TRIM2: variants seen among roughly 807,000 people sequenced by gnomAD.
TRIM2 encodes the protein tripartite motif-containing protein 2.
A neutral mutation model predicts 75.2 loss-of-function variants in TRIM2; 20 were observed. The observed-to-expected ratio is 0.27, with a 90% confidence interval of 0.19 to 0.39. The LOEUF is 0.39. Among genes scored for constraint, TRIM2 ranks in the 10% least tolerant of loss-of-function variants. The probability of loss-of-function intolerance (pLI) is 1.00; values close to 1 mark genes in which losing one functional copy is unlikely to be tolerated. For missense variants in TRIM2, 660 were observed against 990.8 expected (o/e 0.67, Z 4.48); for synonymous variants, 373 against 388.3 (o/e 0.96, Z 0.46).
At chr4:153,237,358 T>G (rs1473490474) in intron 1 of TRIM2, among the ~76,000 whole-genome samples, 1 of 140,486 alleles carries the variant, frequency 7.1e-6, no homozygotes, top group Non-Finnish European at 1.5e-5. Flanking sequence ...TTATGGCTCT[T>G]AGTTACTTAG....
chr4:153,187,443 G>T (rs980984790), intron 1 of TRIM2, among the ~76,000 whole-genome samples: 1 of 152,218 alleles, frequency 6.6e-6, no homozygotes, highest in Non-Finnish European at 1.5e-5. Context: ...GAGGGAAGAG[G>T]TGCTTCCTTC....
intron 1 of TRIM2, among the ~76,000 whole-genome samples, chr4:153,208,116 T>A (rs895363492): frequency 6.6e-6 from 1 of 152,124 alleles, no homozygotes; most frequent in East Asian, 1.9e-4. Context: ...GGCAACATAG[T>A]TAGACTTTGT....
rs189291727 is a variant in TRIM2, at chr4:153,208,966, C to T, written c.30+4406C>T. 1.7e-3 allele frequency among the ~76,000 whole-genome samples: 258 copies of T among 152,292 alleles called. 1 individual carries two copies. The highest frequency in any genetic ancestry group is 5.5e-3 in the African/African-American group (229 of 41,568). On this transcript the variant is annotated intron_variant, in intron 1 of 11. Coordinates refer to ENST00000338700, the MANE Select transcript of TRIM2 (RefSeq NM_015271.5). Reference sequence around the variant, plus strand: ...ATCCACACACACAAAGAAATGTGTTCGTTCAGAAGATCCAGCATCAATTCC... The same window carrying T: ...ATCCACACACACAAAGAAATGTGTTTGTTCAGAAGATCCAGCATCAATTCC...
At chr4:153,326,796 C>T (rs1770280456) in intron 10 of TRIM2, among the ~76,000 whole-genome samples, 1 of 152,116 alleles carries the variant, frequency 6.6e-6, no homozygotes, top group Non-Finnish European at 1.5e-5. Flanking sequence ...GCCTAGCCAA[C>T]AGGGCGAAAC....
intron 3 of TRIM2, among the ~76,000 whole-genome samples, chr4:153,288,066 T>A (rs1387496347): frequency 6.6e-6 from 1 of 152,206 alleles, no homozygotes; most frequent in Non-Finnish European, 1.5e-5. Flanking sequence ...TTGTCAGGTT[T>A]ATTTTTTTTT....
chr4:153,301,269 G>A (rs1763862362), intron 6 of TRIM2, among the ~76,000 whole-genome samples: 1 of 151,934 alleles, frequency 6.6e-6, no homozygotes, highest in Non-Finnish European at 1.5e-5. Context: ...GGCTCAAGTG[G>A]TTCTCCCATC....
At position 153,338,093 on chromosome 4, in the gene TRIM2, A is replaced by C. The variant is rs951558256; in HGVS notation, c.*3127A>C. On this transcript the variant is annotated 3_prime_UTR_variant, in exon 12 of 12. Coordinates refer to ENST00000338700, the MANE Select transcript of TRIM2 (RefSeq NM_015271.5). ...AATTTACTGTGACTAGATTTGAAGC[A>C]AATAAATACTCCAGATCCATGCAGC... 40 of 985,740 alleles carry C rather than the reference A, an allele frequency of 4.1e-5. No individual in the cohort carries two copies. The African/African-American group carries it at 5.6e-4, about 14-fold the overall frequency. The allele number at this position is 985,740 out of a possible 1,614,324, so 61.1% of individuals were successfully genotyped here.
At chr4:153,167,491 A>G (rs911640613) in intron 1 of TRIM2, among the ~76,000 whole-genome samples, 1 of 152,242 alleles carries the variant, frequency 6.6e-6, no homozygotes, top group African/African-American at 2.4e-5. Context: ...ATATTACAAA[A>G]AGATCAAAAA....
intron 6 of TRIM2, chr4:153,309,789 A>C (rs1335714626): frequency 1.3e-5 from 2 of 151,946 alleles, no homozygotes; most frequent in African/African-American, 4.8e-5. Flanking sequence ...ATGCTCAGCT[A>C]ATTTTTTGTA....
At chr4:153,317,524 CTG>C (rs920913514) in intron 8 of TRIM2, among the ~76,000 whole-genome samples, 68 of 151,982 alleles carry the variant, frequency 4.5e-4, no homozygotes, top group African/African-American at 1.5e-3. Flanking sequence ...TGGCGTGCAC[CTG>C]TAGTCCCAGC....
At position 153,330,482 on chromosome 4, in the gene TRIM2, C is replaced by G. The variant is rs994756987; in HGVS notation, c.2163+1812C>G. 3.3e-5 allele frequency among the ~76,000 whole-genome samples: 5 copies of G among 152,198 alleles called. No individual in the cohort carries two copies. In the South Asian group the frequency reaches 1.0e-3, roughly 32 times the overall value. On this transcript the variant is annotated intron_variant, in intron 11 of 11. Coordinates refer to ENST00000338700, the MANE Select transcript of TRIM2 (RefSeq NM_015271.5). Reference sequence around the variant, plus strand: ...CCAAGTGGAGTTTATTCCAGGAATGCAAGACTGGTTTAGTATTAGAAAATC... The same window carrying G: ...CCAAGTGGAGTTTATTCCAGGAATGGAAGACTGGTTTAGTATTAGAAAATC...
intron 1 of TRIM2, among the ~76,000 whole-genome samples, chr4:153,157,711 T>C (rs933015436): frequency 6.6e-6 from 1 of 152,210 alleles, no homozygotes; most frequent in East Asian, 1.9e-4. Flanking sequence ...GACCAGATCC[T>C]GAGGAGCAGG....
chr4:153,301,391 G>T (rs1263836620), intron 6 of TRIM2, among the ~76,000 whole-genome samples: 1 of 152,028 alleles, frequency 6.6e-6, no homozygotes, highest in African/African-American at 2.4e-5. Flanking sequence ...TGAGTTTCTT[G>T]TGTATTTTAG....
At position 153,195,129 on chromosome 4, in the gene TRIM2, C is replaced by A. The variant is rs578019274; in HGVS notation, c.-49+41859C>A. 2.3e-4 allele frequency among the ~76,000 whole-genome samples: 35 copies of A among 152,282 alleles called. No individual in the cohort carries two copies. The South Asian group carries it at 6.2e-3, about 27-fold the overall frequency. ...GGGCCTTAAATCCAATGGTGATTGT[C>A]CTCATGAGAGATAGAAAAGGACAGA... is the stretch of plus-strand genomic sequence containing the variant. On this transcript the variant is annotated intron_variant, in intron 1 of 11. Transcript: ENST00000437508.
intron 1 of TRIM2, among the ~76,000 whole-genome samples, chr4:153,172,640 A>G (rs1206817414): frequency 2.0e-5 from 3 of 152,212 alleles, no homozygotes; most frequent in Non-Finnish European, 4.4e-5. Context: ...CCTCTGCCCA[A>G]TGCCGGAGAT....
At chr4:153,169,926 C>T (rs1224004648) in intron 1 of TRIM2, among the ~76,000 whole-genome samples, 4 of 152,106 alleles carry the variant, frequency 2.6e-5, no homozygotes, top group African/African-American at 7.2e-5. Flanking sequence ...CCACAATGGC[C>T]GTCTACACAA....
At chr4:153,236,046 G>A (rs1744949865) in intron 1 of TRIM2, among the ~76,000 whole-genome samples, 1 of 151,996 alleles carries the variant, frequency 6.6e-6, no homozygotes, top group African/African-American at 2.4e-5. Context: ...TTGTGAGAGA[G>A]TTCTCTTGAG....
At chr4:153,293,402 A>G (rs920055520) in intron 4 of TRIM2, among the ~76,000 whole-genome samples, 2 of 152,216 alleles carry the variant, frequency 1.3e-5, no homozygotes, top group Middle Eastern at 3.2e-3. Flanking sequence ...GTACACTCAA[A>G]TAAACTGCTC....
intron 1 of TRIM2, among the ~76,000 whole-genome samples, chr4:153,181,296 C>A (rs909914476): frequency 6.6e-6 from 1 of 152,258 alleles, no homozygotes; most frequent in African/African-American, 2.4e-5. Flanking sequence ...CTGTGCTCTC[C>A]TGCTCTCTAG....
Sources: gnomAD v4.1 joint callset for allele counts (sites outside exome capture counted in the v4.1 genomes callset) on GRCh38, gnomAD v4.1.1 for gene constraint, MANE v1.5 for transcripts, NCBI Gene and HGNC (gene_info 2026-07-23, HGNC 2026-07-21) for gene names.